Variants in PFDN2 observed in about 807,000 individuals in gnomAD.
The protein encoded by PFDN2 is prefoldin subunit 2.
PFDN2 carries 7 observed loss-of-function variants against 18.3 expected under a neutral mutation model. That is an observed-to-expected ratio of 0.38 (90% CI 0.22 to 0.72). PFDN2 has a LOEUF of 0.72. Among genes scored for constraint, PFDN2 ranks in the 30% least tolerant of loss-of-function variants. PFDN2 has a pLI of 0.47. For synonymous variants in PFDN2, 76 were observed against 75.0 expected (o/e 1.01, Z -0.07); for missense variants, 181 against 199.1 (o/e 0.91, Z 0.55).
chr1:161,103,193 T>C (rs569329340), intron 1 of PFDN2, among the ~76,000 whole-genome samples: 1 of 152,168 alleles, frequency 6.6e-6, no homozygotes, highest in African/African-American at 2.4e-5. Context: ...TCTACAGGAA[T>C]TGGAATTTTG....
chr1:161,116,122 G>C (rs924989375), intron 1 of PFDN2, among the ~76,000 whole-genome samples: 5 of 152,166 alleles, frequency 3.3e-5, no homozygotes, highest in African/African-American at 9.7e-5. Context: ...AGCTACTCAG[G>C]AGGCTGAGTC....
At position 161,100,616 on chromosome 1, in the gene PFDN2, A is replaced by G. The variant is rs762839918; in HGVS notation, c.*67T>C. 1.6e-4 allele frequency: 170 copies of G among 1,072,698 alleles called. No homozygotes were observed. Among genetic ancestry groups the G allele is most frequent in the Non-Finnish European group, 2.1e-4 (160 of 755,358 alleles). The allele number at this position is 1,072,698 out of a possible 1,614,324, so 66.4% of individuals were successfully genotyped here. ...ATATTACAATAGCAGAGAAAATAAT[A>G]ATAATAACAATAAAGAGAAATTAGA... is the stretch of plus-strand genomic sequence containing the variant. On this transcript the variant is annotated 3_prime_UTR_variant, in exon 4 of 4. Coordinates refer to ENST00000368010, the MANE Select transcript of PFDN2 (RefSeq NM_012394.4).
intron 1 of PFDN2, among the ~76,000 whole-genome samples, chr1:161,109,377 T>C (rs1301950763): frequency 6.6e-6 from 1 of 152,236 alleles, no homozygotes; most frequent in African/African-American, 2.4e-5. Flanking sequence ...TAAAAATGCA[T>C]ATTAGTTACT....
At chr1:161,110,985 G>A (rs978374091) in intron 1 of PFDN2, among the ~76,000 whole-genome samples, 9 of 151,714 alleles carry the variant, frequency 5.9e-5, no homozygotes, top group East Asian at 1.9e-4. Context: ...GACTACAGGC[G>A]CCCGCCAATG....
chr1:161,108,916 C>G (rs1389337066), intron 1 of PFDN2, among the ~76,000 whole-genome samples: 2 of 152,152 alleles, frequency 1.3e-5, no homozygotes, highest in African/African-American at 4.8e-5. Context: ...ATGTGTACTA[C>G]TTATTATACC....
Position 161,103,009 on chromosome 1 carries a change from G to C in PFDN2, c.76-634C>G, listed in dbSNP as rs573563806. Among the ~76,000 whole-genome samples the C allele has an allele frequency of 4.8e-4, 73 of 152,100 alleles. No homozygotes were observed. The South Asian group carries it at 6.6e-3, about 14-fold the overall frequency. On this transcript the variant is annotated intron_variant, in intron 1 of 3. Coordinates refer to ENST00000368010, the MANE Select transcript of PFDN2 (RefSeq NM_012394.4). ...GAGAGCTACTGGAGTACCTACAGGG[G>C]AGCCTAGACTTGCAGTGAGGGCTGT... is the stretch of plus-strand genomic sequence containing the variant.
At position 161,102,071 on chromosome 1, in the gene PFDN2, C is replaced by A. The variant is rs146896504; in HGVS notation, c.265G>T (p.Ala89Ser). 68 of 1,614,090 alleles carry A rather than the reference C, an allele frequency of 4.2e-5. No homozygotes were observed. Among genetic ancestry groups the A allele is most frequent in the Non-Finnish European group, 5.4e-5 (64 of 1,180,040 alleles). Residue 89 changes from alanine to serine, a missense_variant, in exon 3 of 4, where the codon GCT (alanine) becomes TCT (serine). Physicochemically the swap from Ala to Ser is moderately conservative, Grantham distance 99. Coordinates refer to ENST00000368010, the MANE Select transcript of PFDN2 (RefSeq NM_012394.4). ...VERTVKEVLP[A>S]LENNKEQIQK... The stretch of plus-strand genomic sequence containing the variant: ...ACCTGCTCCTTGTTGTTCTCCAAAG[C>A]GGGCAGCACCTCTTTGACAGTTCGC...
chr1:161,114,036 C>T (rs1654859678), intron 1 of PFDN2, among the ~76,000 whole-genome samples: 2 of 152,116 alleles, frequency 1.3e-5, no homozygotes, highest in African/African-American at 2.4e-5. Flanking sequence ...ACAGTGGTTC[C>T]ACTCTTGTTC....
intron 1 of PFDN2, among the ~76,000 whole-genome samples, chr1:161,112,796 A>T (rs1456004357): frequency 2.0e-5 from 3 of 152,128 alleles, no homozygotes; most frequent in African/African-American, 7.2e-5. Context: ...TAATCTTCCT[A>T]ACACTTAGAT....
intron 1 of PFDN2, among the ~76,000 whole-genome samples, chr1:161,111,831 T>C (rs1341658434): frequency 1.3e-5 from 2 of 152,250 alleles, no homozygotes; most frequent in East Asian, 3.8e-4. Flanking sequence ...TTATTTTTTA[T>C]TGATTCATAA....
chr1:161,100,932 G>A, intron 3 of PFDN2, 73 bp from the exon 4 acceptor site: 1 of 1,134,910 alleles, frequency 8.8e-7, no homozygotes, highest in Non-Finnish European at 1.3e-6. Context: ...GACTATGGTT[G>A]GAGGAAGTGT....
chr1:161,117,402 T>C (rs1325500840), intron 1 of PFDN2, among the ~76,000 whole-genome samples: 1 of 152,138 alleles, frequency 6.6e-6, no homozygotes, highest in Non-Finnish European at 1.5e-5. Context: ...CTGGGGAAAA[T>C]GCAAACTCGG....
chr1:161,117,215 G>A (rs1654973595), intron 1 of PFDN2, among the ~76,000 whole-genome samples: 1 of 152,192 alleles, frequency 6.6e-6, no homozygotes, highest in East Asian at 1.9e-4. Flanking sequence ...TCCAGCCTGG[G>A]CGACAGAGCG....
At chr1:161,112,143 T>C (rs1654824757) in intron 1 of PFDN2, among the ~76,000 whole-genome samples, 1 of 152,224 alleles carries the variant, frequency 6.6e-6, no homozygotes, top group African/African-American at 2.4e-5. Flanking sequence ...TGCATAAGTA[T>C]TAATTACTTC....
intron 1 of PFDN2, among the ~76,000 whole-genome samples, chr1:161,104,624 T>C (rs1454615570): frequency 1.3e-5 from 2 of 152,002 alleles, no homozygotes; most frequent in African/African-American, 4.8e-5. Context: ...AGACAGGATC[T>C]TACTATGTTG....
intron 1 of PFDN2, among the ~76,000 whole-genome samples, chr1:161,112,898 A>G (rs1654837291): frequency 1.3e-5 from 2 of 149,694 alleles, no homozygotes. Context: ...TTTATAAAAT[A>G]TGTAAAAAAA....
chr1:161,105,291 T>A (rs995187482), intron 1 of PFDN2, among the ~76,000 whole-genome samples: 8 of 151,346 alleles, frequency 5.3e-5, no homozygotes, highest in African/African-American at 1.5e-4. Flanking sequence ...TTTATTTTTA[T>A]TTTTTGTAGA....
At chr1:161,106,819 T>C (rs1359129719) in intron 1 of PFDN2, among the ~76,000 whole-genome samples, 1 of 151,780 alleles carries the variant, frequency 6.6e-6, no homozygotes, top group Non-Finnish European at 1.5e-5. Context: ...TTTAAACTTT[T>C]TGTAGTGATG....
At chr1:161,113,716 A>G (rs1654853191) in intron 1 of PFDN2, among the ~76,000 whole-genome samples, 1 of 152,160 alleles carries the variant, frequency 6.6e-6, no homozygotes, top group Non-Finnish European at 1.5e-5. Context: ...TGGGAGGTTG[A>G]GGCTGCAGTG....
Sources: gnomAD v4.1 joint callset for allele counts (sites outside exome capture counted in the v4.1 genomes callset) on GRCh38, gnomAD v4.1.1 for gene constraint, MANE v1.5 for transcripts, NCBI Gene and HGNC (gene_info 2026-07-23, HGNC 2026-07-21) for gene names.